Variants in GRB10 observed in about 807,000 individuals in gnomAD.
GRB10 encodes growth factor receptor bound protein 10.
A neutral mutation model predicts 80.9 loss-of-function variants in GRB10; 20 were observed. That is an observed-to-expected ratio of 0.25 (90% CI 0.17 to 0.36). The LOEUF (loss-of-function observed/expected upper bound fraction) is 0.36, where lower values mean the gene tolerates loss of function less well. Among genes scored for constraint, GRB10 ranks in the 10% least tolerant of loss-of-function variants. GRB10 has a pLI of 1.00. For missense variants in GRB10, 548 were observed against 747.7 expected (o/e 0.73, Z 3.12); for synonymous variants, 291 against 291.5 (o/e 1.00, Z 0.02).
At chr7:50,715,587 TG>T (rs1439079636) in intron 4 of GRB10, among the ~76,000 whole-genome samples, 1 of 152,220 alleles carries the variant, frequency 6.6e-6, no homozygotes, top group Non-Finnish European at 1.5e-5. Flanking sequence ...ACTATGATTC[TG>T]AGCAAATAAC....
At chr7:50,643,990 A>G (rs1252199822) in intron 7 of GRB10, among the ~76,000 whole-genome samples, 3 of 152,032 alleles carry the variant, frequency 2.0e-5, no homozygotes, top group African/African-American at 7.3e-5. Context: ...TCCTCTCTTC[A>G]CTCAGCATCT....
At chr7:50,664,637 G>A (rs1351938140) in intron 7 of GRB10, among the ~76,000 whole-genome samples, 1 of 152,120 alleles carries the variant, frequency 6.6e-6, no homozygotes, top group Non-Finnish European at 1.5e-5. Flanking sequence ...GGCCCCGGAG[G>A]GTCTGACGCA....
chr7:50,652,227 A>G (rs900489287), intron 7 of GRB10, among the ~76,000 whole-genome samples: 1 of 152,238 alleles, frequency 6.6e-6, no homozygotes, highest in Middle Eastern at 3.2e-3. Context: ...CATCTATAAT[A>G]AAAGAATATG....
intron 4 of GRB10, among the ~76,000 whole-genome samples, chr7:50,704,116 G>C (rs1233205992): frequency 6.6e-6 from 1 of 152,352 alleles, no homozygotes; most frequent in Non-Finnish European, 1.5e-5. Context: ...GTTTGGCAAA[G>C]GAGTTAAAAG....
rs2078427336 is a variant in GRB10 at position 50,782,650 on chromosome 7, ACG to A, written c.-555_-554del. On this transcript the variant is annotated 5_prime_UTR_variant, in exon 1 of 19. Coordinates refer to ENST00000401949, the MANE Select transcript of GRB10 (RefSeq NM_001350814.2). The surrounding 1 kb of genome is among the most constrained non-coding windows in gnomAD (Gnocchi z 6.6). ...CTCGGGGCCACCGCGCGCCAGGCGA[ACG>A]CGCTAGCACGAAAAGCGGGCCAACG... 1.3e-5 allele frequency: 2 copies of A among 151,562 alleles called. No homozygotes were observed. The highest frequency in any genetic ancestry group is 1.3e-4 in the Admixed American group (2 of 15,238). 9.4% of individuals were successfully genotyped at this position (151,562 alleles called of 1,614,324 possible). A position where few individuals can be genotyped will look rare whatever the true frequency, so the allele number is the denominator to read the frequency against.
chr7:50,779,945 G>A (rs1353816363), intron 2 of GRB10, among the ~76,000 whole-genome samples: 1 of 152,104 alleles, frequency 6.6e-6, no homozygotes, highest in Admixed American at 6.6e-5. Flanking sequence ...AATGCCCCTG[G>A]AGAGATAGTC....
chr7:50,728,488 G>A (rs1466930955), intron 4 of GRB10, among the ~76,000 whole-genome samples: 2 of 152,120 alleles, frequency 1.3e-5, no homozygotes, highest in Non-Finnish European at 2.9e-5. Context: ...AGAAAATGGG[G>A]AGGAGATGAG....
At chr7:50,672,732 C>A (rs1020325789) in intron 6 of GRB10, among the ~76,000 whole-genome samples, 1 of 152,194 alleles carries the variant, frequency 6.6e-6, no homozygotes, top group African/African-American at 2.4e-5. Flanking sequence ...GGCTTTCCAG[C>A]CCACCCTCGG....
Position 50,591,170 on chromosome 7 carries a change from G to A in GRB10, c.*1782C>T, listed in dbSNP as rs1406194352. 2.0e-5 allele frequency: 3 copies of A among 152,218 alleles called. No homozygotes were observed. Among genetic ancestry groups the A allele is most frequent in the African/African-American group, 7.2e-5 (3 of 41,450 alleles). 9.4% of individuals were successfully genotyped at this position (152,218 alleles called of 1,614,324 possible). ...TGACTGGCTGCGAAAGGAAGAAAAT[G>A]CAATTGAGCACTGATGGTTAAAAAC... On this transcript the variant is annotated 3_prime_UTR_variant, in exon 19 of 19. Transcript: ENST00000401949.
At chr7:50,678,541 TA>T (rs56112613) in intron 5 of GRB10, among the ~76,000 whole-genome samples, 29,445 of 152,218 alleles carry the variant, frequency 0.19, 3,804 homozygotes, top group East Asian at 0.51. Context: ...GTTTAGATAA[TA>T]AAATCAATTA....
intron 2 of GRB10, among the ~76,000 whole-genome samples, chr7:50,759,834 C>T (rs1587931695): frequency 6.6e-6 from 1 of 152,306 alleles, no homozygotes; most frequent in East Asian, 1.9e-4. Flanking sequence ...ACCTGTCCAC[C>T]AGCAGACACC....
intron 6 of GRB10, among the ~76,000 whole-genome samples, chr7:50,671,126 C>T (rs913572691): frequency 2.6e-5 from 4 of 152,232 alleles, no homozygotes; most frequent in African/African-American, 9.6e-5. Context: ...CCAGGGCACT[C>T]CTGGACACAC....
At chr7:50,767,382 G>T (rs998238417) in intron 2 of GRB10, among the ~76,000 whole-genome samples, 1 of 152,136 alleles carries the variant, frequency 6.6e-6, no homozygotes, top group Non-Finnish European at 1.5e-5. Context: ...ACAACTGCAG[G>T]GAGTCCTGTG....
At chr7:50,601,787 C>A (rs1382275407) in intron 17 of GRB10, among the ~76,000 whole-genome samples, 1 of 152,122 alleles carries the variant, frequency 6.6e-6, no homozygotes, top group Non-Finnish European at 1.5e-5. Flanking sequence ...CATGTCCTAG[C>A]TCTGTTTACT....
rs1255991964 is a variant in GRB10, at chr7:50,703,868, G to A, written c.92C>T (p.Ala31Val). ...EQTPRSQQDP[A>V]GPGLPAQSDR... ...AGACTGTGCGGGGAGTCCTGGTCCTGCCGGGTCTTGTTGACTGCGAGGTGT... is the reference window on the plus strand; with the variant it reads ...AGACTGTGCGGGGAGTCCTGGTCCTACCGGGTCTTGTTGACTGCGAGGTGT... The change falls in exon 5 of 19, where the codon GCA (alanine) becomes GTA (valine). Residue 31 changes from alanine to valine, a missense_variant. Coordinates refer to ENST00000401949, the MANE Select transcript of GRB10 (RefSeq NM_001350814.2). 1.2e-6 allele frequency: 2 copies of A among 1,613,310 alleles called. No individual in the cohort carries two copies. The highest frequency in any genetic ancestry group is 1.3e-5 in the African/African-American group (1 of 75,012).
intron 2 of GRB10, among the ~76,000 whole-genome samples, chr7:50,772,144 A>G (rs1284426199): frequency 6.6e-6 from 1 of 152,174 alleles, no homozygotes; most frequent in Non-Finnish European, 1.5e-5. Context: ...ACAAAAAGGG[A>G]AAAAAGTTGT....
At chr7:50,718,225 C>A (rs1563578825) in intron 4 of GRB10, among the ~76,000 whole-genome samples, 2 of 152,198 alleles carry the variant, frequency 1.3e-5, no homozygotes, top group South Asian at 4.1e-4. Flanking sequence ...GGAGAATTAA[C>A]AGAGAGAGGG....
chr7:50,610,686 T>C (rs1022581293), intron 13 of GRB10, among the ~76,000 whole-genome samples: 4 of 152,172 alleles, frequency 2.6e-5, no homozygotes, highest in Non-Finnish European at 4.4e-5. Context: ...AGGATGATAA[T>C]ATGCATGTCA....
intron 4 of GRB10, among the ~76,000 whole-genome samples, chr7:50,716,238 G>A (rs1053387273): frequency 3.3e-5 from 5 of 152,224 alleles, no homozygotes; most frequent in Non-Finnish European, 7.3e-5. Flanking sequence ...GAAGGGTCCT[G>A]CCTCAACAGT....
Sources: gnomAD v4.1 joint callset for allele counts (sites outside exome capture counted in the v4.1 genomes callset) on GRCh38, gnomAD v4.1.1 for gene constraint, Gnocchi (gnomAD v3.1) non-coding constraint, MANE v1.5 for transcripts, NCBI Gene and HGNC (gene_info 2026-07-23, HGNC 2026-07-21) for gene names.